Variants in GRID2 observed in about 807,000 individuals in gnomAD.
The protein encoded by GRID2 is glutamate receptor ionotropic, delta-2.
In GRID2, 33 loss-of-function variants were observed where a neutral mutation model predicts 114.8. That is an observed-to-expected ratio of 0.29 (90% confidence interval 0.22 to 0.38). The LOEUF (loss-of-function observed/expected upper bound fraction) is 0.38, where lower values mean the gene tolerates loss of function less well. GRID2 is among the 10% of genes least tolerant of loss of function. GRID2 has a pLI of 1.00. For synonymous variants in GRID2, 505 were observed against 449.9 expected (o/e 1.12, Z -1.55); for missense variants, 1,184 against 1,257.7 (o/e 0.94, Z 0.89).
intron 12 of GRID2, among the ~76,000 whole-genome samples, chr4:93,503,397 C>T (rs1204004804): frequency 6.6e-6 from 1 of 151,982 alleles, no homozygotes; most frequent in Non-Finnish European, 1.5e-5. Flanking sequence ...CATATGTATA[C>T]ATGTGCCATG....
intron 3 of GRID2, among the ~76,000 whole-genome samples, chr4:93,104,120 A>G (rs1695852774): frequency 6.6e-6 from 1 of 152,076 alleles, no homozygotes; most frequent in Non-Finnish European, 1.5e-5. Context: ...GCTTCCGCTT[A>G]TTAGTGAGAA....
chr4:92,663,374 A>G (rs1732610614), intron 2 of GRID2, among the ~76,000 whole-genome samples: 1 of 151,190 alleles, frequency 6.6e-6, no homozygotes, highest in Non-Finnish European at 1.5e-5. Context: ...GTTAGAGATA[A>G]TATTGTTTTA....
chr4:92,697,608 G>A (rs972054452), intron 2 of GRID2, among the ~76,000 whole-genome samples: 12 of 152,220 alleles, frequency 7.9e-5, no homozygotes, highest in Non-Finnish European at 1.6e-4. Context: ...GGTAGTGCCC[G>A]TGAGATAAAG....
intron 10 of GRID2, among the ~76,000 whole-genome samples, chr4:93,428,054 A>G (rs1490576862): frequency 6.6e-6 from 1 of 152,060 alleles, no homozygotes; most frequent in Non-Finnish European, 1.5e-5. Context: ...AAAAACAAAG[A>G]TAACTCTGAA....
chr4:92,681,463 C>T (rs543277153), intron 2 of GRID2, among the ~76,000 whole-genome samples: 8 of 152,066 alleles, frequency 5.3e-5, no homozygotes, highest in East Asian at 3.9e-4. Context: ...GCTTCTTCCA[C>T]GTCCCTACAA....
chr4:93,017,391 T>A (rs1197462308), intron 2 of GRID2, among the ~76,000 whole-genome samples: 1 of 152,214 alleles, frequency 6.6e-6, no homozygotes, highest in African/African-American at 2.4e-5. Flanking sequence ...TATTTAAGTA[T>A]GAAATTTATT....
chr4:92,882,352 A>G (rs963408395), intron 2 of GRID2, among the ~76,000 whole-genome samples: 2 of 152,194 alleles, frequency 1.3e-5, no homozygotes, highest in African/African-American at 4.8e-5. Context: ...CTCAGAACTT[A>G]AGATAATTTG....
At chr4:93,425,831 G>A (rs1768790996) in intron 10 of GRID2, among the ~76,000 whole-genome samples, 1 of 152,074 alleles carries the variant, frequency 6.6e-6, no homozygotes, top group Admixed American at 6.6e-5. Flanking sequence ...CAATGACTAA[G>A]CCTAATAAAG....
intron 2 of GRID2, among the ~76,000 whole-genome samples, chr4:92,770,718 C>T (rs1578169340): frequency 1.3e-5 from 2 of 152,066 alleles, no homozygotes; most frequent in Non-Finnish European, 2.9e-5. Flanking sequence ...TCATGAGACT[C>T]ATTCACTATC....
At chr4:93,042,151 C>G (rs1010582690) in intron 2 of GRID2, among the ~76,000 whole-genome samples, 13 of 151,818 alleles carry the variant, frequency 8.6e-5, no homozygotes, top group African/African-American at 2.9e-4. Context: ...GATCTGCCTG[C>G]CTTAGCCTCC....
intron 8 of GRID2, among the ~76,000 whole-genome samples, chr4:93,239,906 T>G (rs1747284595): frequency 6.6e-6 from 1 of 151,748 alleles, no homozygotes; most frequent in Non-Finnish European, 1.5e-5. Context: ...GTCTCAAGAA[T>G]GCGTATATCC....
At chr4:93,187,317 C>A (rs1221263941) in intron 4 of GRID2, among the ~76,000 whole-genome samples, 2 of 151,986 alleles carry the variant, frequency 1.3e-5, no homozygotes, top group East Asian at 3.9e-4. Flanking sequence ...CATTCTTTTG[C>A]CCTGGCTGGA....
chr4:93,037,970 G>A (rs1006855009), intron 2 of GRID2, among the ~76,000 whole-genome samples: 8 of 152,146 alleles, frequency 5.3e-5, no homozygotes, highest in South Asian at 2.1e-4. Flanking sequence ...GAAATTTAAA[G>A]TAGTTTGTTT....
At chr4:92,492,131 T>C (rs1056910516) in intron 1 of GRID2, among the ~76,000 whole-genome samples, 5 of 152,196 alleles carry the variant, frequency 3.3e-5, no homozygotes, top group African/African-American at 9.6e-5. Flanking sequence ...ATTTTAAATG[T>C]GGAAGATTAT....
At chr4:93,497,334 G>C (rs997766459) in intron 12 of GRID2, among the ~76,000 whole-genome samples, 6 of 151,466 alleles carry the variant, frequency 4.0e-5, no homozygotes, top group Non-Finnish European at 8.9e-5. Context: ...CCTCTTTATA[G>C]GGTTCATCAT....
At chr4:92,516,736 GT>G (rs1724520664) in intron 1 of GRID2, among the ~76,000 whole-genome samples, 1 of 151,748 alleles carries the variant, frequency 6.6e-6, no homozygotes, top group Non-Finnish European at 1.5e-5. Flanking sequence ...CCATGTTTCG[GT>G]TACTGTGCAG....
intron 2 of GRID2, among the ~76,000 whole-genome samples, chr4:93,075,647 T>C (rs893721836): frequency 2.6e-5 from 4 of 152,128 alleles, no homozygotes; most frequent in Admixed American, 6.6e-5. Context: ...CAAAATCTTA[T>C]GTATTTCCAT....
chr4:93,568,389 T>C (rs540721811), intron 13 of GRID2, among the ~76,000 whole-genome samples: 2 of 152,292 alleles, frequency 1.3e-5, no homozygotes, highest in African/African-American at 4.8e-5. Flanking sequence ...GGAGATATTA[T>C]TGGATGTTAC....
At chr4:92,568,269 G>A (rs926361346) in intron 1 of GRID2, among the ~76,000 whole-genome samples, 4 of 151,988 alleles carry the variant, frequency 2.6e-5, no homozygotes, top group Admixed American at 2.0e-4. Flanking sequence ...TAGGATCTGA[G>A]GTCTGAAATT....
Sources: gnomAD v4.1 joint callset for allele counts (sites outside exome capture counted in the v4.1 genomes callset) on GRCh38, gnomAD v4.1.1 for gene constraint, MANE v1.5 for transcripts, NCBI Gene and HGNC (gene_info 2026-07-23, HGNC 2026-07-21) for gene names.